MICU3: variants seen among roughly 807,000 people sequenced by gnomAD.
MICU3 encodes the protein mitochondrial calcium uptake 3.
A neutral mutation model predicts 66.5 loss-of-function variants in MICU3; 62 were observed. That is an observed-to-expected ratio of 0.93 (90% confidence interval 0.76 to 1.15). MICU3 has a LOEUF of 1.15. Among genes scored for constraint, MICU3 ranks in the 50% most tolerant of loss-of-function variants. The pLI is 0.00. For synonymous variants in MICU3, 308 were observed against 240.7 expected, an observed-to-expected ratio of 1.28 and a Z score of -2.59; for missense variants, 779 against 664.4, an observed-to-expected ratio of 1.17 and a Z score of -1.90.
intron 1 of MICU3, among the ~76,000 whole-genome samples, chr8:17,046,707 C>G (rs899620954): frequency 6.6e-6 from 1 of 151,890 alleles, no homozygotes; most frequent in Non-Finnish European, 1.5e-5. Flanking sequence ...AGTGAGATGC[C>G]ACCTACCTAA....
intron 8 of MICU3, among the ~76,000 whole-genome samples, chr8:17,092,331 A>C (rs754925004): frequency 6.6e-6 from 1 of 152,046 alleles, no homozygotes; most frequent in Non-Finnish European, 1.5e-5. Context: ...AACGTTGCTA[A>C]AAGAAAATAG....
downstream of MICU3, among the ~76,000 whole-genome samples, chr8:17,127,049 TCTG>T (rs935093611): frequency 6.6e-6 from 1 of 152,212 alleles, no homozygotes; most frequent in African/African-American, 2.4e-5. Context: ...AGCACATTAG[TCTG>T]CTAGCAGATT....
At chr8:17,088,029 A>G (rs1408441726) in intron 7 of MICU3, among the ~76,000 whole-genome samples, 1 of 152,012 alleles carries the variant, frequency 6.6e-6, no homozygotes, top group African/African-American at 2.4e-5. Flanking sequence ...AAGAATATGT[A>G]TTAGGTTTTT....
chr8:17,035,447 C>T (rs1721696651), intron 1 of MICU3, among the ~76,000 whole-genome samples: 1 of 152,168 alleles, frequency 6.6e-6, no homozygotes, highest in Non-Finnish European at 1.5e-5. Flanking sequence ...GACCAAAATG[C>T]TGATAGTGAT....
At position 17,116,429 on chromosome 8, in the gene MICU3, TA is replaced by T; in HGVS notation, c.1367-12del. The stretch of plus-strand genomic sequence containing the variant: ...AATAACAGTCTATTCTTTTTCTATG[TA>T]ACATTTATCTAGATGAATTTAAACG... On this transcript the variant is annotated splice_polypyrimidine_tract_variant and intron_variant, in intron 12 of 14. Transcript: ENST00000318063. 2 of 1,413,098 alleles carry T rather than the reference TA, an allele frequency of 1.4e-6. No homozygotes were observed. Among genetic ancestry groups the T allele is most frequent in the Admixed American group, 2.8e-5 (1 of 35,894 alleles). The allele number at this position is 1,413,098 out of a possible 1,614,324, so 87.5% of individuals were successfully genotyped here.
intron 1 of MICU3, among the ~76,000 whole-genome samples, chr8:17,060,526 G>C (rs1433580928): frequency 6.6e-6 from 1 of 152,106 alleles, no homozygotes; most frequent in Non-Finnish European, 1.5e-5. Flanking sequence ...TGGCCAGGCT[G>C]GTCTCGAACT....
In MICU3 at chr8:17,100,638, T is replaced by TA. The variant is rs566220725; in HGVS notation, c.984+2089dup. On this transcript the variant is annotated intron_variant, in intron 9 of 14. Transcript: ENST00000318063. ...TATATTTAATATGTAATTATTGAGA[T>TA]AAAATCTGTTTATTATAGGGAAATT... Among the ~76,000 whole-genome samples, 748 of 151,830 alleles carry TA rather than the reference T, an allele frequency of 4.9e-3. 6 individuals carry two copies. Among genetic ancestry groups the TA allele is most frequent in the African/African-American group, 0.017 (714 of 41,488 alleles).
chr8:17,138,425 CTG>C, the MICU3 span, among the ~76,000 whole-genome samples: 1 of 152,108 alleles, frequency 6.6e-6, no homozygotes, highest in African/African-American at 2.4e-5. Flanking sequence ...GAGGAAATGA[CTG>C]TGACAAGTCA....
intron 1 of MICU3, among the ~76,000 whole-genome samples, chr8:17,047,963 A>G (rs1178178589): frequency 6.6e-6 from 1 of 152,206 alleles, no homozygotes; most frequent in African/African-American, 2.4e-5. Context: ...AGAAGTTACA[A>G]TGAAGTGGAT....
the MICU3 span, among the ~76,000 whole-genome samples, chr8:17,128,113 T>A: frequency 6.6e-6 from 1 of 152,070 alleles, no homozygotes; most frequent in African/African-American, 2.4e-5. Context: ...AGTTCTCTAC[T>A]GACAGTGTGT....
At chr8:17,084,383 G>T (rs1400581506) in intron 5 of MICU3, among the ~76,000 whole-genome samples, 1 of 152,096 alleles carries the variant, frequency 6.6e-6, no homozygotes, top group Admixed American at 6.6e-5. Context: ...GCTGTTACTA[G>T]TTAAGAAAGT....
chr8:17,137,439 C>T, the MICU3 span, among the ~76,000 whole-genome samples: 1 of 146,226 alleles, frequency 6.8e-6, no homozygotes, highest in Non-Finnish European at 1.5e-5. Context: ...AACACTACGA[C>T]AAGTTGAGAG....
chr8:17,054,859 C>T (rs1816669403), intron 1 of MICU3, among the ~76,000 whole-genome samples: 1 of 151,632 alleles, frequency 6.6e-6, no homozygotes, highest in South Asian at 2.1e-4. Flanking sequence ...CTGCCTCAGC[C>T]TCCCAAGTAG....
chr8:17,035,326 T>C (rs373834041), intron 1 of MICU3, among the ~76,000 whole-genome samples: 8 of 152,242 alleles, frequency 5.3e-5, no homozygotes, highest in African/African-American at 1.9e-4. Flanking sequence ...AATGTGGAAG[T>C]GACTTTGGAA....
At chr8:17,095,847 A>T (rs1264533578) in intron 8 of MICU3, among the ~76,000 whole-genome samples, 2 of 150,536 alleles carry the variant, frequency 1.3e-5, no homozygotes, top group Non-Finnish European at 3.0e-5. Context: ...CTTGAATGGG[A>T]TCCTGCTTTG....
intron 1 of MICU3, among the ~76,000 whole-genome samples, chr8:17,045,060 G>A (rs981023740): frequency 2.0e-5 from 3 of 151,210 alleles, no homozygotes; most frequent in Non-Finnish European, 2.9e-5. Flanking sequence ...TTTTTTAAAG[G>A]AAAATTGGAG....
intron 3 of MICU3, among the ~76,000 whole-genome samples, chr8:17,070,493 G>C (rs1819394077): frequency 6.6e-6 from 1 of 151,968 alleles, no homozygotes; most frequent in South Asian, 2.1e-4. Context: ...ATTCAAGAAA[G>C]TATTCATCTT....
In MICU3 at chr8:17,092,687, T is replaced by A. The variant is rs540332820; in HGVS notation, c.888+2103T>A. 2.4e-4 allele frequency among the ~76,000 whole-genome samples: 36 copies of A among 152,086 alleles called. 2 individuals carry two copies. The South Asian group carries it at 6.8e-3, about 29-fold the overall frequency. On this transcript the variant is annotated intron_variant, in intron 8 of 14. Transcript: ENST00000318063. ...TTTGCTCATTAAGGAGTTATTATTT[T>A]CATAAACTACAAGCAAACAAGGGAC...
intron 2 of MICU3, among the ~76,000 whole-genome samples, chr8:17,066,470 T>G (rs1818694032): frequency 6.7e-6 from 1 of 148,230 alleles, no homozygotes. Flanking sequence ...ATTCTATAAT[T>G]TTTTCAAACA....
Sources: gnomAD v4.1 joint callset for allele counts (sites outside exome capture counted in the v4.1 genomes callset) on GRCh38, gnomAD v4.1.1 for gene constraint, MANE v1.5 for transcripts, NCBI Gene and HGNC (gene_info 2026-07-23, HGNC 2026-07-21) for gene names.